TET3: variants seen among roughly 807,000 people sequenced by gnomAD.
The protein encoded by TET3 is tet methylcytosine dioxygenase 3.
In TET3, 19 loss-of-function variants were observed where a neutral mutation model predicts 141.4. The ratio of observed to expected loss-of-function variants is 0.13; its 90% CI spans 0.09 to 0.20. TET3 has a LOEUF of 0.20. Ranked by LOEUF, TET3 falls within the 10% of genes least tolerant of loss-of-function variation. The probability of loss-of-function intolerance (pLI) is 1.00; values close to 1 mark genes in which losing one functional copy is unlikely to be tolerated. For missense variants in TET3, 1,874 were observed against 2,356.9 expected (o/e 0.80, Z 4.24); for synonymous variants, 1,043 against 980.9 (o/e 1.06, Z -1.18).
At chr2:73,993,956 A>G (rs1684454789) in intron 2 of TET3, among the ~76,000 whole-genome samples, 2 of 152,062 alleles carry the variant, frequency 1.3e-5, no homozygotes, top group Admixed American at 6.5e-5. Context: ...TTTTCACAAG[A>G]TGAAGTAGTA....
At chr2:74,125,958 G>A in the TET3 span, among the ~76,000 whole-genome samples, 1 of 152,152 alleles carries the variant, frequency 6.6e-6, no homozygotes, top group African/African-American at 2.4e-5. Context: ...CAAGGGTCTT[G>A]CTATATTGTC....
At chr2:74,050,205 C>T (rs1687874048) in intron 4 of TET3, among the ~76,000 whole-genome samples, 1 of 152,204 alleles carries the variant, frequency 6.6e-6, no homozygotes, top group South Asian at 2.1e-4. Flanking sequence ...ATCCCAACTC[C>T]ATCACTTACT....
intron 6 of TET3, among the ~76,000 whole-genome samples, chr2:74,084,053 G>C (rs919766961): frequency 6.6e-6 from 1 of 152,166 alleles, no homozygotes; most frequent in Non-Finnish European, 1.5e-5. Flanking sequence ...ATTTAATACC[G>C]TGTTCAGGTG....
rs1243514945 is a variant in TET3 at position 74,107,885 on chromosome 2, G to A, written c.*5709G>A. The A allele has an allele frequency of 6.6e-6, 1 of 152,272 alleles. No homozygotes were observed. The highest frequency in any genetic ancestry group is 1.5e-5 in the Non-Finnish European group (1 of 68,028). The allele number at this position is 152,272 out of a possible 1,614,324, so 9.4% of individuals were successfully genotyped here. On this transcript the variant is annotated 3_prime_UTR_variant, in exon 12 of 12. Transcript: ENST00000409262. ...TTAAACTGTAGATATTCTTAGTACA[G>A]TAAATTTATGCTGATAATTTTATTT...
rs572223649 is a variant in TET3 at position 74,022,054 on chromosome 2, C to T, written c.360+18888C>T. On this transcript the variant is annotated intron_variant, in intron 3 of 11. Transcript: ENST00000409262. ...TAAAAAAGTCCATAATTTTTCTACT[C>T]AGAGAGAACTCCTGTTACTATTTCA... Among the ~76,000 whole-genome samples the T allele has an allele frequency of 2.8e-4, 41 of 145,040 alleles. No individual in the cohort carries two copies. In the South Asian group the frequency reaches 6.0e-3, roughly 21 times the overall value.
chr2:74,099,555 A>G lies in TET3; in HGVS notation c.3547A>G (p.Thr1183Ala). Residue 1183 changes from threonine (T) to alanine (A), a missense_variant, in exon 11 of 12, where the codon ACT becomes GCT. Thr to Ala is a moderately conservative substitution (Grantham distance 58). Transcript: ENST00000409262. ...GAAGATTCAGAAGGAGAAGCTGAGC[A>G]CTCCGGAGAAGATCAAGCAGGAGGC... The part of the protein sequence containing the change: ...KKKIQKEKLS[T>A]PEKIKQEALE... The G allele has an allele frequency of 6.2e-7, 1 of 1,607,944 alleles. No individual in the cohort carries two copies. The highest frequency in any genetic ancestry group is 8.5e-7 in the Non-Finnish European group (1 of 1,176,976).
At chr2:74,013,249 CT>C (rs1274334743) in intron 3 of TET3, among the ~76,000 whole-genome samples, 2 of 151,954 alleles carry the variant, frequency 1.3e-5, no homozygotes, top group Non-Finnish European at 2.9e-5. Context: ...CCACCTCGGC[CT>C]CCCAAAGTGC....
chr2:74,126,834 C>T, the TET3 span, among the ~76,000 whole-genome samples: 31 of 152,184 alleles, frequency 2.0e-4, no homozygotes, highest in African/African-American at 7.2e-4. Context: ...AATGTAAACG[C>T]TAACTTTAGA....
At chr2:74,115,323 A>G in the TET3 span, among the ~76,000 whole-genome samples, 1 of 152,230 alleles carries the variant, frequency 6.6e-6, no homozygotes, top group Non-Finnish European at 1.5e-5. Flanking sequence ...TCAGGAACAG[A>G]AAACCAAATA....
At position 74,101,145 on chromosome 2, in the gene TET3, G is replaced by T. The variant is rs773211622; in HGVS notation, c.4357G>T (p.Gly1453Cys). 1 of 1,613,722 alleles carries T rather than the reference G, an allele frequency of 6.2e-7. No homozygotes were observed. Among genetic ancestry groups the T allele is most frequent in the African/African-American group, 1.3e-5 (1 of 74,928 alleles). Residue 1453 changes from glycine to cysteine, a missense_variant, in exon 12 of 12, where the codon GGT (glycine) becomes TGT (cysteine). Physicochemically the swap from Gly to Cys is radical, Grantham distance 159. Around this residue, in one of 10 missense-constraint regions of TET3, gnomAD observed 602 missense variants for 590.2 expected, o/e 1.02. Transcript: ENST00000409262. The surrounding 1 kb of genome is among the most constrained non-coding windows in gnomAD (Gnocchi z 8.5). ...SMSPKRTNGV[G>C]GSWGVFSSGE... is the part of the protein sequence containing the mutation. ...GTCCCCCAAGAGGACTAACGGTGTG[G>T]GTGGCAGCTGGGGTGTGTTCTCGTC...
At chr2:73,996,602 G>A (rs546347308) in intron 2 of TET3, among the ~76,000 whole-genome samples, 1 of 152,298 alleles carries the variant, frequency 6.6e-6, no homozygotes, top group Non-Finnish European at 1.5e-5. Context: ...TCCAATCCTG[G>A]ATTTGAGCGA....
chr2:74,122,486 CATACATAT>C, the TET3 span: 1 of 89,366 alleles, frequency 1.1e-5, no homozygotes, highest in African/African-American at 4.3e-5. Context: ...TATATAAATA[CATACATAT>C]ATATATATAT....
chr2:74,020,368 A>T (rs1241584108), intron 3 of TET3, among the ~76,000 whole-genome samples: 2 of 152,116 alleles, frequency 1.3e-5, no homozygotes, highest in African/African-American at 4.8e-5. Context: ...ATTTTTTTAG[A>T]GATGGGGTTT....
the TET3 span, among the ~76,000 whole-genome samples, chr2:74,124,253 G>A: frequency 1.8e-3 from 249 of 141,610 alleles, 1 homozygote; most frequent in African/African-American, 7.3e-3. Context: ...CGCCCCGTCC[G>A]GGAGGGAGGT....
rs1477829846 is a variant in TET3 at position 74,003,166 on chromosome 2, G to T, written c.360G>T (p.Lys120Asn). The change falls in exon 3 of 12, where the codon AAG becomes AAT. Residue 120 changes from lysine to asparagine, a missense_variant and splice_region_variant. By Grantham distance (94) the Lys-to-Asn change is moderately conservative. Coordinates refer to ENST00000409262, the MANE Select transcript of TET3 (RefSeq NM_001287491.2). ...CGTGGGGACAAGGAGCGGCTGTCAA[G>T]GTACCTTGTGTGTGTGCGTGCGTGT... is the stretch of plus-strand genomic sequence containing the variant. ...AGPWGQGAAV[K>N]TGSELSPVDG... 6.5e-7 allele frequency: 1 copy of T among 1,549,290 alleles called. No homozygotes were observed. Among genetic ancestry groups the T allele is most frequent in the Admixed American group, 2.0e-5 (1 of 50,796 alleles).
In TET3 at chr2:73,989,005, T is replaced by G. The variant is rs540477932; in HGVS notation, c.303+2299T>G. Among the ~76,000 whole-genome samples the G allele has an allele frequency of 2.0e-5, 3 of 149,816 alleles. No individual in the cohort carries two copies. In the East Asian group the frequency reaches 5.8e-4, roughly 29 times the overall value. ...AAAAAAAAAAGTTTTTTTTGTTTTT[T>G]TTTTTTTTTGGTCCATGAAGGCTGA... On this transcript the variant is annotated intron_variant, in intron 2 of 11. Transcript: ENST00000409262.
chr2:74,118,653 C>T, the TET3 span, among the ~76,000 whole-genome samples: 39,012 of 151,892 alleles, frequency 0.26, 5,339 homozygotes, highest in East Asian at 0.49. Flanking sequence ...TCAAAAGTCA[C>T]ATTGTATTTG....
the TET3 span, among the ~76,000 whole-genome samples, chr2:74,128,715 G>A: frequency 6.6e-6 from 1 of 151,570 alleles, no homozygotes; most frequent in African/African-American, 2.4e-5. Context: ...AAAAAGGCTG[G>A]GCTTATGCTT....
rs759796966 is a variant in TET3, at chr2:74,101,361, T to A, written c.4573T>A (p.Leu1525Met). 3 of 1,613,894 alleles carry A rather than the reference T, an allele frequency of 1.9e-6. No homozygotes were observed. In the South Asian group the frequency reaches 3.3e-5, roughly 18 times the overall value. Residue 1525 changes from leucine to methionine, a missense_variant, in exon 12 of 12, where the codon TTG becomes ATG. Leu to Met is a conservative substitution (Grantham distance 15, BLOSUM62 2). This residue lies in a region of TET3 where 602 missense variants were observed against 590.2 expected (regional missense o/e 1.02). Transcript: ENST00000409262. This position sits in a 1 kb window ranked among gnomAD's most constrained non-coding sequence, Gnocchi z 8.5. ...PCKFGNSTSALAGPSLTEKPW... is the reference protein window; with the variant it reads ...PCKFGNSTSAMAGPSLTEKPW... ...CAAGTTTGGGAACAGCACCTCGGCC[T>A]TGGCTGGGCCCAGCCTGACTGAGAA...
Sources: allele counts gnomAD v4.1 joint callset (sites outside exome capture counted in the v4.1 genomes callset), GRCh38; gene constraint gnomAD v4.1.1; regional missense constraint gnomAD v4.1.1; non-coding constraint Gnocchi (gnomAD v3.1); transcripts MANE v1.5; gene names NCBI Gene and HGNC (gene_info 2026-07-23, HGNC 2026-07-21).